The following PRKCE variants were observed in gnomAD, a reference collection of about 807,000 sequenced individuals.
PRKCE encodes protein kinase C epsilon, also known as protein kinase C epsilon type.
PRKCE carries 16 observed loss-of-function variants against 85.4 expected under a neutral mutation model. The ratio of observed to expected loss-of-function variants is 0.19; its 90% CI spans 0.13 to 0.28. PRKCE has a LOEUF of 0.28. Ranked by LOEUF, PRKCE falls within the 10% of genes least tolerant of loss-of-function variation. PRKCE has a pLI of 1.00. For synonymous variants in PRKCE, 388 were observed against 371.5 expected (o/e 1.04, Z -0.51); for missense variants, 573 against 975.2 (o/e 0.59, Z 5.49).
chr2:45,769,951 C>G (rs1272790913), intron 1 of PRKCE, among the ~76,000 whole-genome samples: 4 of 152,238 alleles, frequency 2.6e-5, no homozygotes, highest in African/African-American at 4.8e-5. Context: ...TGCCAGGGTG[C>G]AGCAGGCACA....
chr2:45,952,296 T>C (rs142387798), intron 2 of PRKCE, among the ~76,000 whole-genome samples: 181 of 152,334 alleles, frequency 1.2e-3, no homozygotes, highest in African/African-American at 4.1e-3. Context: ...TATAATGATA[T>C]ACACATTTCA....
At chr2:45,972,141 T>TA (rs1390636418) in intron 2 of PRKCE, among the ~76,000 whole-genome samples, 1 of 152,224 alleles carries the variant, frequency 6.6e-6, no homozygotes, top group Non-Finnish European at 1.5e-5. Context: ...TCTTTTTTTT[T>TA]ATCATAGCCA....
intron 1 of PRKCE, among the ~76,000 whole-genome samples, chr2:45,715,359 A>T (rs1420113961): frequency 6.6e-6 from 1 of 151,912 alleles, no homozygotes; most frequent in Non-Finnish European, 1.5e-5. Flanking sequence ...ACCCCTTGAC[A>T]CCCCTGATAG....
In PRKCE at chr2:46,045,151, G is replaced by A. The variant is rs533091416; in HGVS notation, c.1437+34634G>A. Among the ~76,000 whole-genome samples, 4 of 152,072 alleles carry A rather than the reference G, an allele frequency of 2.6e-5. No individual in the cohort carries two copies. In the South Asian group the frequency reaches 8.3e-4, roughly 32 times the overall value. On this transcript the variant is annotated intron_variant, in intron 10 of 14. Transcript: ENST00000306156. ...AACAGAGTAGGGTAGACAACCTAGGGTATACCACATATAGCAAAAATAGGA... is the reference window on the plus strand; with the variant it reads ...AACAGAGTAGGGTAGACAACCTAGGATATACCACATATAGCAAAAATAGGA...
chr2:45,978,731 T>G, intron 3 of PRKCE: 1 of 470,036 alleles, frequency 2.1e-6, no homozygotes. Context: ...TGGCTCTCTG[T>G]ATAGGAAATC....
At position 46,159,787 on chromosome 2, in the gene PRKCE, G is replaced by A. The variant is rs1288986601; in HGVS notation, c.2067+35G>A. 2 of 1,596,280 alleles carry A rather than the reference G, an allele frequency of 1.3e-6. No homozygotes were observed. Among genetic ancestry groups the A allele is most frequent in the Non-Finnish European group, 8.5e-7 (1 of 1,178,766 alleles). ...TCCCCGTGCACGTTCAGCACCATGG[G>A]TCGGGCCCAGGTACTTGCAGGACAG... On this transcript the variant is annotated intron_variant, in intron 14 of 14. Coordinates refer to ENST00000306156, the MANE Select transcript of PRKCE (RefSeq NM_005400.3). The surrounding 1 kb of genome is among the most constrained non-coding windows in gnomAD (Gnocchi z 4.1).
At chr2:45,853,096 C>T (rs916370858) in intron 2 of PRKCE, among the ~76,000 whole-genome samples, 8 of 152,242 alleles carry the variant, frequency 5.3e-5, no homozygotes, top group Admixed American at 2.6e-4. Flanking sequence ...TCTCGAGTCC[C>T]GATCACTTAG....
intron 1 of PRKCE, among the ~76,000 whole-genome samples, chr2:45,744,155 A>G (rs1246723325): frequency 6.6e-6 from 1 of 152,202 alleles, no homozygotes; most frequent in Non-Finnish European, 1.5e-5. Flanking sequence ...GGGAATAATA[A>G]CACCAACCCT....
chr2:46,182,266 C>G (rs1328346136), intron 14 of PRKCE, among the ~76,000 whole-genome samples: 1 of 152,162 alleles, frequency 6.6e-6, no homozygotes, highest in Admixed American at 6.5e-5. Flanking sequence ...AATCCCTCCC[C>G]CTTCCACAGA....
At chr2:45,791,449 A>G (rs1262582198) in intron 1 of PRKCE, among the ~76,000 whole-genome samples, 1 of 152,172 alleles carries the variant, frequency 6.6e-6, no homozygotes, top group African/African-American at 2.4e-5. Flanking sequence ...TTCTAGTTTC[A>G]GGCTACCCTG....
At chr2:45,831,939 A>G (rs569890128) in intron 1 of PRKCE, among the ~76,000 whole-genome samples, 147 of 152,348 alleles carry the variant, frequency 9.6e-4, no homozygotes, top group African/African-American at 3.3e-3. Context: ...TAAGCAAAAG[A>G]AAAGAAAAAA....
chr2:46,178,877 C>G (rs1679694120), intron 14 of PRKCE, among the ~76,000 whole-genome samples: 1 of 152,114 alleles, frequency 6.6e-6, no homozygotes, highest in African/African-American at 2.4e-5. Context: ...AATGCATGAT[C>G]CAGACAGTGC....
At chr2:45,671,332 C>T (rs1050405125) in intron 1 of PRKCE, among the ~76,000 whole-genome samples, 6 of 152,202 alleles carry the variant, frequency 3.9e-5, no homozygotes, top group African/African-American at 1.4e-4. Context: ...GATGAATGAG[C>T]ACCTGGATGT....
At chr2:45,828,083 C>T (rs1003113277) in intron 1 of PRKCE, among the ~76,000 whole-genome samples, 1 of 152,156 alleles carries the variant, frequency 6.6e-6, no homozygotes, top group African/African-American at 2.4e-5. Flanking sequence ...AATGTTTGCC[C>T]ATTCCTGATC....
intron 1 of PRKCE, among the ~76,000 whole-genome samples, chr2:45,715,901 C>T (rs986611877): frequency 1.3e-5 from 2 of 152,158 alleles, no homozygotes; most frequent in African/African-American, 4.8e-5. Flanking sequence ...CTGCACTCCC[C>T]CCATGATGCC....
intron 2 of PRKCE, among the ~76,000 whole-genome samples, chr2:45,930,852 T>C (rs1698993162): frequency 6.6e-6 from 1 of 152,010 alleles, no homozygotes; most frequent in Admixed American, 6.6e-5. Flanking sequence ...CCCCTAAGAG[T>C]TGGCTTTAGG....
In PRKCE at chr2:45,784,329, C is replaced by T. The variant is rs898773935; in HGVS notation, c.349-58671C>T. Among the ~76,000 whole-genome samples, 4 of 152,170 alleles carry T rather than the reference C, an allele frequency of 2.6e-5. No homozygotes were observed. The East Asian group carries it at 5.8e-4, about 22-fold the overall frequency. On this transcript the variant is annotated intron_variant, in intron 1 of 14. Coordinates refer to ENST00000306156, the MANE Select transcript of PRKCE (RefSeq NM_005400.3). ...CCCCTGTAGGCGTGAGGGCCACTTGCGGGTGAGGTGTGGAACCGAACCTGC... is the reference window on the plus strand; with the variant it reads ...CCCCTGTAGGCGTGAGGGCCACTTGTGGGTGAGGTGTGGAACCGAACCTGC...
intron 1 of PRKCE, among the ~76,000 whole-genome samples, chr2:45,663,670 C>T (rs1291205870): frequency 1.3e-5 from 2 of 152,074 alleles, no homozygotes; most frequent in African/African-American, 4.8e-5. Flanking sequence ...GTAGTTCCAG[C>T]TACTTGGGAG....
intron 2 of PRKCE, among the ~76,000 whole-genome samples, chr2:45,909,345 G>A (rs1697212952): frequency 6.6e-6 from 1 of 152,156 alleles, no homozygotes; most frequent in Non-Finnish European, 1.5e-5. Flanking sequence ...GGATGTGGAT[G>A]TTCATTTTCT....
Sources: allele counts gnomAD v4.1 joint callset (sites outside exome capture counted in the v4.1 genomes callset), GRCh38; gene constraint gnomAD v4.1.1; non-coding constraint Gnocchi (gnomAD v3.1); transcripts MANE v1.5; gene names NCBI Gene and HGNC (gene_info 2026-07-23, HGNC 2026-07-21).